Variants in NDUFS1 observed in about 807,000 individuals in gnomAD.
NDUFS1 encodes the protein NADH-ubiquinone oxidoreductase 75 kDa subunit, mitochondrial.
In NDUFS1, 61 loss-of-function variants were observed where a neutral mutation model predicts 84.4. The ratio of observed to expected loss-of-function variants is 0.72; its 90% confidence interval spans 0.59 to 0.89. NDUFS1 has a LOEUF of 0.89. NDUFS1 is among the 40% of genes least tolerant of loss of function. NDUFS1 has a pLI of 0.00. For missense variants in NDUFS1, 891 were observed against 890.0 expected (o/e 1.00, Z -0.01); for synonymous variants, 275 against 290.0 (o/e 0.95, Z 0.53).
At chr2:206,143,660 C>T (rs1692050066) in intron 10 of NDUFS1, among the ~76,000 whole-genome samples, 1 of 151,852 alleles carries the variant, frequency 6.6e-6, no homozygotes, top group Admixed American at 6.6e-5. Flanking sequence ...CGGCTCACTG[C>T]AACCTCCAAG....
chr2:206,157,871 C>T (rs1047350038), intron 1 of NDUFS1, among the ~76,000 whole-genome samples: 1 of 152,014 alleles, frequency 6.6e-6, no homozygotes, highest in South Asian at 2.1e-4. Flanking sequence ...ATTCCACGTT[C>T]TCCAACATGG....
chr2:206,129,949 TA>T (rs896513619), intron 15 of NDUFS1, 138 bp downstream of exon 15: 939 of 879,608 alleles, frequency 1.1e-3, no homozygotes, highest in Non-Finnish European at 1.2e-3. Context: ...GTGGTTTGTT[TA>T]AAAAAAAAGG....
At chr2:206,129,950 A>C (rs529698989) in intron 15 of NDUFS1, 138 bp downstream of exon 15, 2 of 805,872 alleles carry the variant, frequency 2.5e-6, no homozygotes, top group African/African-American at 1.7e-5. Flanking sequence ...TGGTTTGTTT[A>C]AAAAAAAAGG....
chr2:206,130,357 T>G, intron 14 of NDUFS1, 115 bp from the exon 15 acceptor site: 2 of 1,328,802 alleles, frequency 1.5e-6, no homozygotes, highest in Non-Finnish European at 2.1e-6. Flanking sequence ...TTTTATTTTA[T>G]TTTATTTTTT....
intron 1 of NDUFS1, among the ~76,000 whole-genome samples, chr2:206,158,269 G>A (rs2105779837): frequency 6.6e-6 from 1 of 152,218 alleles, no homozygotes; most frequent in Non-Finnish European, 1.5e-5. Context: ...GCCTTCAATA[G>A]CTTAACAGGT....
chr2:206,158,948 G>C, intron 1 of NDUFS1: 1 of 755,934 alleles, frequency 1.3e-6, no homozygotes, highest in Non-Finnish European at 2.2e-6. Context: ...CACTGTATCA[G>C]GCGTGTAAAA....
chr2:206,119,486 T>C lies in NDUFS1; in HGVS notation c.*4699A>G, dbSNP rs1219400554. The C allele has an allele frequency of 6.6e-6, 1 of 152,196 alleles. No homozygotes were observed. Among genetic ancestry groups the C allele is most frequent in the Non-Finnish European group, 1.5e-5 (1 of 68,042 alleles). The allele number at this position is 152,196 out of a possible 1,614,324, so 9.4% of individuals were successfully genotyped here. On this transcript the variant is annotated 3_prime_UTR_variant, in exon 19 of 19. Transcript: ENST00000233190. ...GTGCAACGGTGCAATCTTGACTCAC[T>C]GCAACCTCCGTCTCCTGGGTTTAAG...
chr2:206,159,425 T>C lies in NDUFS1; in HGVS notation c.-89A>G, dbSNP rs1687822409. On this transcript the variant is annotated 5_prime_UTR_variant, in exon 1 of 19. Transcript: ENST00000233190. ...AGGAGGCCGGGTCGCTTATTCAATA[T>C]GGCGGCCTCGGCTAACTCTGTCAGC... The C allele has an allele frequency of 2.2e-6, 1 of 464,556 alleles. No individual in the cohort carries two copies. The allele number at this position is 464,556 out of a possible 1,614,324, so 28.8% of individuals were successfully genotyped here.
chr2:206,124,351 A>C, intron 18 of NDUFS1, 75 bp from the exon 19 acceptor site: 1 of 1,111,434 alleles, frequency 9.0e-7, no homozygotes, highest in Non-Finnish European at 1.4e-6. Context: ...TTAATGGTGC[A>C]CATATTCAGG....
intron 1 of NDUFS1, among the ~76,000 whole-genome samples, chr2:206,157,166 G>A (rs1404198512): frequency 6.6e-6 from 1 of 152,164 alleles, no homozygotes; most frequent in Admixed American, 6.6e-5. Flanking sequence ...TGGCCAGGCT[G>A]GTCTCAAACT....
chr2:206,133,731 A>G (rs1304505625), intron 13 of NDUFS1, among the ~76,000 whole-genome samples: 2 of 152,222 alleles, frequency 1.3e-5, no homozygotes, highest in African/African-American at 4.8e-5. Context: ...TAATCCCAAC[A>G]CTTTGGGAGG....
chr2:206,124,174 T>TA lies in NDUFS1; in HGVS notation c.*10dup, dbSNP rs1559039737. On this transcript the variant is annotated 3_prime_UTR_variant, in exon 19 of 19. Coordinates refer to ENST00000233190, the MANE Select transcript of NDUFS1 (RefSeq NM_005006.7). ...ATTATCTGCGGCAAAACTGGGATCCTAGTAGAAGCTTCAGCATATGGATGG... is the reference window on the plus strand; with the variant it reads ...ATTATCTGCGGCAAAACTGGGATCCTAAGTAGAAGCTTCAGCATATGGATGG... 6.4e-7 allele frequency: 1 copy of TA among 1,574,180 alleles called. No individual in the cohort carries two copies. The highest frequency in any genetic ancestry group is 8.7e-7 in the Non-Finnish European group (1 of 1,143,656).
In NDUFS1 at chr2:206,114,855, T is replaced by C. The variant is rs933919280; in HGVS notation, c.*9330A>G. 5.3e-5 allele frequency: 8 copies of C among 152,234 alleles called. No homozygotes were observed. Among genetic ancestry groups the C allele is most frequent in the Admixed American group, 1.3e-4 (2 of 15,288 alleles). The allele number at this position is 152,234 out of a possible 1,614,324, so 9.4% of individuals were successfully genotyped here. ...GTTTTTATTGTATCTGCTGAGATACTTTCCATACACACGTAAGCATATACA... is the reference window on the plus strand; with the variant it reads ...GTTTTTATTGTATCTGCTGAGATACCTTCCATACACACGTAAGCATATACA... On this transcript the variant is annotated 3_prime_UTR_variant, in exon 19 of 19. Coordinates refer to ENST00000233190, the MANE Select transcript of NDUFS1 (RefSeq NM_005006.7).
chr2:206,120,425 G>A lies in NDUFS1; in HGVS notation c.*3760C>T, dbSNP rs1691063934. The A allele has an allele frequency of 6.6e-6, 1 of 152,182 alleles. No individual in the cohort carries two copies. The highest frequency in any genetic ancestry group is 2.4e-5 in the African/African-American group (1 of 41,432). 9.4% of individuals were successfully genotyped at this position (152,182 alleles called of 1,614,324 possible). ...CTAGTTAAGTGGTTGTGACCAAAATGCTGATAGACATATGGTGAAGTCCAG... is the reference window on the plus strand; with the variant it reads ...CTAGTTAAGTGGTTGTGACCAAAATACTGATAGACATATGGTGAAGTCCAG... On this transcript the variant is annotated 3_prime_UTR_variant, in exon 19 of 19. Coordinates refer to ENST00000233190, the MANE Select transcript of NDUFS1 (RefSeq NM_005006.7).
intron 1 of NDUFS1, among the ~76,000 whole-genome samples, chr2:206,154,773 G>A (rs1026634101): frequency 2.0e-5 from 3 of 150,750 alleles, no homozygotes; most frequent in Admixed American, 6.6e-5. Context: ...ACAGGCACCC[G>A]CCACCACACC....
At position 206,147,041 on chromosome 2, in the gene NDUFS1, C is replaced by T; in HGVS notation, c.599G>A (p.Arg200Lys). ...TGTGCCAACTTGCATATCATTTCCT[C>T]TGCCTGTTGTTCCCAAATCATCTAC... ...AGVDDLGTTG[R>K]GNDMQVGTYI... The change falls in exon 8 of 19, where the codon AGA becomes AAA. Residue 200 changes from arginine (R) to lysine (K), a missense_variant. Arg to Lys is a conservative substitution (Grantham distance 26). Coordinates refer to ENST00000233190, the MANE Select transcript of NDUFS1 (RefSeq NM_005006.7). The T allele has an allele frequency of 6.2e-7, 1 of 1,614,128 alleles. No homozygotes were observed. The highest frequency in any genetic ancestry group is 8.5e-7 in the Non-Finnish European group (1 of 1,180,004).
rs1043254663 is a variant in NDUFS1, at chr2:206,155,615, G to A, written c.-4-1933C>T. ...GTATTTTTAGTAGAGACAGGGTTTC[G>A]CCACGTTGGCCAAGGTGGTCCTGAA... On this transcript the variant is annotated intron_variant, in intron 1 of 18. Coordinates refer to ENST00000233190, the MANE Select transcript of NDUFS1 (RefSeq NM_005006.7). Among the ~76,000 whole-genome samples the A allele has an allele frequency of 2.4e-4, 36 of 151,464 alleles. 1 individual carries two copies. Among genetic ancestry groups the A allele is most frequent in the African/African-American group, 8.5e-4 (35 of 41,254 alleles).
intron 3 of NDUFS1, among the ~76,000 whole-genome samples, chr2:206,150,443 T>C (rs1241794985): frequency 1.3e-5 from 2 of 152,236 alleles, no homozygotes; most frequent in Non-Finnish European, 2.9e-5. Flanking sequence ...AATTATCACC[T>C]ACCCTGCTCT....
chr2:206,158,119 C>G (rs1376010636), intron 1 of NDUFS1, among the ~76,000 whole-genome samples: 3 of 152,016 alleles, frequency 2.0e-5, no homozygotes, highest in Non-Finnish European at 4.4e-5. Context: ...CCCGCCACCA[C>G]GCCCAGCTAA....
Sources: gnomAD v4.1 joint callset for allele counts (sites outside exome capture counted in the v4.1 genomes callset) on GRCh38, gnomAD v4.1.1 for gene constraint, MANE v1.5 for transcripts, NCBI Gene and HGNC (gene_info 2026-07-23, HGNC 2026-07-21) for gene names.